ROBO2: variants seen among roughly 807,000 people sequenced by gnomAD.
The protein encoded by ROBO2 is roundabout homolog 2.
ROBO2 carries 53 observed loss-of-function variants against 160.8 expected under a neutral mutation model. The ratio of observed to expected loss-of-function variants is 0.33; its 90% confidence interval spans 0.26 to 0.41. The LOEUF is 0.41. Among genes scored for constraint, ROBO2 ranks in the 10% least tolerant of loss-of-function variants. The pLI, the probability that ROBO2 is intolerant of heterozygous loss-of-function variation, is 1.00. For synonymous variants in ROBO2, 664 were observed against 611.7 expected (o/e 1.09, Z -1.26); for missense variants, 1,577 against 1,722.4 (o/e 0.92, Z 1.49).
At chr3:76,828,614 C>T (rs1292367325) in intron 2 of ROBO2, among the ~76,000 whole-genome samples, 1 of 152,006 alleles carries the variant, frequency 6.6e-6, no homozygotes, top group Non-Finnish European at 1.5e-5. Flanking sequence ...AGTCACTGTC[C>T]CATTATTAGG....
intron 2 of ROBO2, among the ~76,000 whole-genome samples, chr3:76,236,021 C>A (rs1012965479): frequency 1.3e-5 from 2 of 152,036 alleles, no homozygotes; most frequent in African/African-American, 2.4e-5. Context: ...AGGAAATGAA[C>A]CTCATATAGT....
chr3:76,586,176 C>A (rs1387055421), intron 2 of ROBO2, among the ~76,000 whole-genome samples: 1 of 152,132 alleles, frequency 6.6e-6, no homozygotes, highest in Non-Finnish European at 1.5e-5. Flanking sequence ...TAAAAATTAA[C>A]CCTCTTCTGC....
At chr3:76,963,784 A>G (rs2079844038) in intron 2 of ROBO2, among the ~76,000 whole-genome samples, 1 of 150,094 alleles carries the variant, frequency 6.7e-6, no homozygotes, top group Non-Finnish European at 1.5e-5. Flanking sequence ...AGGTATATGT[A>G]GATTTTAAAC....
intron 2 of ROBO2, among the ~76,000 whole-genome samples, chr3:76,708,524 A>C (rs886204360): frequency 1.3e-5 from 2 of 152,210 alleles, no homozygotes; most frequent in Admixed American, 1.3e-4. Context: ...TAAAAACAAC[A>C]ACCAAAAACC....
intron 2 of ROBO2, among the ~76,000 whole-genome samples, chr3:76,686,614 T>C (rs187252338): frequency 6.6e-6 from 1 of 152,176 alleles, no homozygotes; most frequent in East Asian, 1.9e-4. Context: ...CAAGATCATA[T>C]TAGTGTTTGA....
Position 77,602,738 on chromosome 3 carries a change from A to G in ROBO2, c.3136+247A>G, listed in dbSNP as rs543768140. On this transcript the variant is annotated intron_variant, in intron 20 of 25. Coordinates refer to ENST00000461745, the Ensembl canonical transcript of ROBO2. ...CCACCACCACCACACACCAGTGCCA[A>G]TCGGTTTCATCTTTTAGCTCTTTTT... is the stretch of plus-strand genomic sequence containing the variant. Among the ~76,000 whole-genome samples, 11 of 148,812 alleles carry G rather than the reference A, an allele frequency of 7.4e-5. No individual in the cohort carries two copies. In the South Asian group the frequency reaches 2.4e-3, roughly 32 times the overall value.
intron 2 of ROBO2, among the ~76,000 whole-genome samples, chr3:76,714,093 G>T (rs1302017482): frequency 6.6e-6 from 1 of 152,066 alleles, no homozygotes; most frequent in East Asian, 1.9e-4. Context: ...ATACCTGTAG[G>T]TTTATTTTTG....
chr3:76,964,573 G>A (rs1294413027), intron 2 of ROBO2, among the ~76,000 whole-genome samples: 1 of 152,122 alleles, frequency 6.6e-6, no homozygotes, highest in East Asian at 1.9e-4. Flanking sequence ...TCGAACTCCT[G>A]ACCTCAGGTG....
At chr3:77,629,956 G>A (rs2095122828) in intron 23 of ROBO2, 1 of 152,184 alleles carries the variant, frequency 6.6e-6, no homozygotes, top group Non-Finnish European at 1.5e-5. Context: ...CACATGTGCA[G>A]TAGACCATAA....
intron 2 of ROBO2, among the ~76,000 whole-genome samples, chr3:76,948,614 T>A (rs1370181521): frequency 2.2e-5 from 3 of 133,548 alleles, no homozygotes; most frequent in South Asian, 2.3e-4. Flanking sequence ...GGAGACGGAG[T>A]CTCACCCTGT....
chr3:76,745,362 T>TCAATAC (rs146831286), intron 2 of ROBO2, among the ~76,000 whole-genome samples: 2,745 of 152,214 alleles, frequency 0.018, 68 homozygotes, highest in African/African-American at 0.058. Flanking sequence ...TGATTTCAGT[T>TCAATAC]CTCTTTAGCT....
chr3:77,320,113 AC>A (rs1006570995), intron 2 of ROBO2, among the ~76,000 whole-genome samples: 2 of 152,186 alleles, frequency 1.3e-5, no homozygotes, highest in Non-Finnish European at 2.9e-5. Context: ...AAGTAAATAA[AC>A]TTCAAGACAT....
rs977548256 is a variant in ROBO2, at chr3:77,196,496, G to A, written c.388+98156G>A. ...CTGAAGTTGCAAAATTTGATGAGGA[G>A]GGCATCTTTTTTTTTTCCATTTGCA... On this transcript the variant is annotated intron_variant, in intron 2 of 25. Coordinates refer to ENST00000461745, the Ensembl canonical transcript of ROBO2. Among the ~76,000 whole-genome samples the A allele has an allele frequency of 6.9e-5, 10 of 144,016 alleles. No individual in the cohort carries two copies. In the East Asian group the frequency reaches 1.8e-3, roughly 25 times the overall value. The allele number at this position is 144,016 out of a possible 152,430, so 94.5% of individuals were successfully genotyped here.
Position 75,941,184 on chromosome 3 carries a change from A to G in ROBO2, c.109+3582A>G, listed in dbSNP as rs185740322. Among the ~76,000 whole-genome samples, 10 of 152,210 alleles carry G rather than the reference A, an allele frequency of 6.6e-5. No individual in the cohort carries two copies. In the East Asian group the frequency reaches 1.9e-3, roughly 29 times the overall value. ...TTGCCCAGGCAGGTCACGAACTCCTATCCTCAAGCAGTCCTCTAACCTAGG... is the reference window on the plus strand; with the variant it reads ...TTGCCCAGGCAGGTCACGAACTCCTGTCCTCAAGCAGTCCTCTAACCTAGG... On this transcript the variant is annotated intron_variant, in intron 2 of 26. Coordinates refer to the ROBO2 transcript ENST00000487694.
intron 2 of ROBO2, among the ~76,000 whole-genome samples, chr3:76,003,762 A>T (rs1389216292): frequency 6.6e-6 from 1 of 152,226 alleles, no homozygotes; most frequent in Non-Finnish European, 1.5e-5. Flanking sequence ...GGCATCCATC[A>T]GGGTGCTAGA....
At chr3:77,318,642 A>T in intron 2 of ROBO2, among the ~76,000 whole-genome samples, 1 of 152,204 alleles carries the variant, frequency 6.6e-6, no homozygotes, top group East Asian at 1.9e-4. Context: ...ACTTAGCACA[A>T]ATTACTTAAA....
chr3:76,594,388 T>G (rs556460277), intron 2 of ROBO2, among the ~76,000 whole-genome samples: 1 of 152,140 alleles, frequency 6.6e-6, no homozygotes, highest in South Asian at 2.1e-4. Flanking sequence ...TCATTTGGGT[T>G]ATCAGAAAGG....
At chr3:77,484,506 C>G (rs1254417907) in intron 4 of ROBO2, among the ~76,000 whole-genome samples, 2 of 95,540 alleles carry the variant, frequency 2.1e-5, no homozygotes, top group African/African-American at 7.7e-5. Context: ...TGCCCCAACA[C>G]AAACACACAC....
At chr3:77,421,517 A>G (rs2077710292) in intron 2 of ROBO2, among the ~76,000 whole-genome samples, 1 of 152,156 alleles carries the variant, frequency 6.6e-6, no homozygotes, top group African/African-American at 2.4e-5. Context: ...ATTAGCTCAT[A>G]TAACGCCATA....
Sources: allele counts gnomAD v4.1 joint callset (sites outside exome capture counted in the v4.1 genomes callset), GRCh38; gene constraint gnomAD v4.1.1; transcripts MANE v1.5; gene names NCBI Gene and HGNC (gene_info 2026-07-23, HGNC 2026-07-21).